The following FBXL7 variants were observed in gnomAD, a reference collection of about 807,000 sequenced individuals.
The protein encoded by FBXL7 is F-box and leucine rich repeat protein 7, also known as F-box/LRR-repeat protein 7.
In FBXL7, 12 loss-of-function variants were observed where a neutral mutation model predicts 38.3. The observed-to-expected ratio is 0.31, with a 90% CI of 0.20 to 0.51. FBXL7 has a LOEUF of 0.51. Among genes scored for constraint, FBXL7 ranks in the 20% least tolerant of loss-of-function variants. FBXL7 has a pLI of 0.98. For synonymous variants in FBXL7, 297 were observed against 300.9 expected, an observed-to-expected ratio of 0.99 and a Z score of 0.13; for missense variants, 567 against 676.4, an observed-to-expected ratio of 0.84 and a Z score of 1.79.
chr5:15,638,339 C>A (rs546352194), intron 2 of FBXL7, among the ~76,000 whole-genome samples: 20 of 152,218 alleles, frequency 1.3e-4, no homozygotes, highest in African/African-American at 4.6e-4. Flanking sequence ...TGTGAAAGGG[C>A]CAGGGAGTTT....
At chr5:15,639,885 A>T (rs1479139205) in intron 2 of FBXL7, among the ~76,000 whole-genome samples, 1 of 152,178 alleles carries the variant, frequency 6.6e-6, no homozygotes, top group Non-Finnish European at 1.5e-5. Flanking sequence ...GCTGAGTTCT[A>T]TTGTTCTTGC....
At chr5:15,570,127 C>A (rs925239594) in intron 1 of FBXL7, among the ~76,000 whole-genome samples, 1 of 152,182 alleles carries the variant, frequency 6.6e-6, no homozygotes, top group Non-Finnish European at 1.5e-5. Flanking sequence ...GGAGGATTCC[C>A]TCTTTTTCTA....
chr5:15,558,279 T>G (rs1172425363), intron 1 of FBXL7, among the ~76,000 whole-genome samples: 3 of 152,230 alleles, frequency 2.0e-5, no homozygotes, highest in African/African-American at 7.2e-5. Context: ...TTAGCTGTTC[T>G]CCTTTGGAGC....
intron 1 of FBXL7, among the ~76,000 whole-genome samples, chr5:15,522,983 A>T (rs1185571900): frequency 6.6e-6 from 1 of 152,242 alleles, no homozygotes; most frequent in East Asian, 1.9e-4. Context: ...AACTAGCTAC[A>T]TGTGGCTTTT....
chr5:15,588,520 G>A (rs1033022460), intron 1 of FBXL7, among the ~76,000 whole-genome samples: 1 of 151,646 alleles, frequency 6.6e-6, no homozygotes, highest in Non-Finnish European at 1.5e-5. Flanking sequence ...CTGAGTAGCT[G>A]GGGTTACAGG....
intron 2 of FBXL7, among the ~76,000 whole-genome samples, chr5:15,701,137 C>T (rs977905330): frequency 3.3e-5 from 5 of 151,926 alleles, no homozygotes; most frequent in African/African-American, 1.2e-4. Flanking sequence ...AATTTTCTAT[C>T]GATATTTTTG....
At chr5:15,876,492 A>T (rs1331019250) in intron 2 of FBXL7, among the ~76,000 whole-genome samples, 1 of 152,140 alleles carries the variant, frequency 6.6e-6, no homozygotes, top group African/African-American at 2.4e-5. Context: ...TTAGTTGATT[A>T]ATTTATAGCT....
chr5:15,697,600 G>A (rs1166336590), intron 2 of FBXL7, among the ~76,000 whole-genome samples: 1 of 151,844 alleles, frequency 6.6e-6, no homozygotes, highest in Non-Finnish European at 1.5e-5. Flanking sequence ...ATTGGGAGTG[G>A]AAGGAGTGAG....
intron 2 of FBXL7, among the ~76,000 whole-genome samples, chr5:15,722,930 C>CAAAAAAAACAAAAAAAAAAAAAAAAAA (rs377502407): frequency 7.0e-6 from 1 of 142,080 alleles, no homozygotes; most frequent in African/African-American, 2.6e-5. Context: ...TCAAAAAAAA[C>CAAAAAAAACAAAAAAAAAAAAAAAAAA]AAAAAAAAAA....
At chr5:15,721,856 A>G (rs1003308215) in intron 2 of FBXL7, among the ~76,000 whole-genome samples, 1 of 148,698 alleles carries the variant, frequency 6.7e-6, no homozygotes, top group African/African-American at 2.5e-5. Flanking sequence ...TATTTTTGAG[A>G]TGGAGTCTCG....
chr5:15,935,139 C>T (rs1286411476), intron 3 of FBXL7: 2 of 534,252 alleles, frequency 3.7e-6, no homozygotes, highest in Non-Finnish European at 3.8e-6. Context: ...AGGCCAGTGG[C>T]GTTGGAGGAA....
At chr5:15,587,390 C>G (rs1331228600) in intron 1 of FBXL7, among the ~76,000 whole-genome samples, 1 of 152,218 alleles carries the variant, frequency 6.6e-6, no homozygotes, top group East Asian at 1.9e-4. Flanking sequence ...ACCCCTTTAT[C>G]TAAGGAGGCC....
chr5:15,921,736 T>A (rs572527280), intron 2 of FBXL7, among the ~76,000 whole-genome samples: 42 of 152,212 alleles, frequency 2.8e-4, no homozygotes, highest in Non-Finnish European at 5.3e-4. Context: ...AACAGGTACA[T>A]GAAAAGGTGC....
rs1045382914 is a variant in FBXL7 at position 15,932,376 on chromosome 5, C to T, written c.739+3875C>T. Among the ~76,000 whole-genome samples, 5 of 152,272 alleles carry T rather than the reference C, an allele frequency of 3.3e-5. No individual in the cohort carries two copies. The South Asian group carries it at 1.0e-3, about 32-fold the overall frequency. ...GTTCTTCATTGACTTAACCATCTGA[C>T]ACCCCAGAAGAGATAGAGATATCAC... On this transcript the variant is annotated intron_variant, in intron 3 of 3. Transcript: ENST00000504595.
chr5:15,529,849 T>A (rs1180552775), intron 1 of FBXL7, among the ~76,000 whole-genome samples: 2 of 152,190 alleles, frequency 1.3e-5, no homozygotes, highest in African/African-American at 4.8e-5. Flanking sequence ...TATACTCTCG[T>A]TGCCTACAAC....
At chr5:15,848,837 T>A (rs540340864) in intron 2 of FBXL7, among the ~76,000 whole-genome samples, 1 of 152,334 alleles carries the variant, frequency 6.6e-6, no homozygotes, top group African/African-American at 2.4e-5. Context: ...CTGCAGAAAC[T>A]TTAGGGGCCT....
At chr5:15,779,249 G>C (rs570157086) in intron 2 of FBXL7, among the ~76,000 whole-genome samples, 4 of 151,864 alleles carry the variant, frequency 2.6e-5, no homozygotes, top group African/African-American at 9.7e-5. Context: ...AAAATAGTTA[G>C]ATAGAAGGAA....
intron 2 of FBXL7, among the ~76,000 whole-genome samples, chr5:15,723,092 G>A (rs569495660): frequency 6.6e-6 from 1 of 152,220 alleles, no homozygotes; most frequent in African/African-American, 2.4e-5. Flanking sequence ...TAAATTGTAT[G>A]TAACTGATTA....
At chr5:15,779,534 G>A (rs373096346) in intron 2 of FBXL7, among the ~76,000 whole-genome samples, 4 of 152,142 alleles carry the variant, frequency 2.6e-5, no homozygotes, top group East Asian at 1.9e-4. Context: ...CTTAGCAGCA[G>A]TTATTATCTT....
Sources: allele counts gnomAD v4.1 joint callset (sites outside exome capture counted in the v4.1 genomes callset), GRCh38; gene constraint gnomAD v4.1.1; transcripts MANE v1.5; gene names NCBI Gene and HGNC (gene_info 2026-07-23, HGNC 2026-07-21).